WWOX: variants seen among roughly 807,000 people sequenced by gnomAD.
The protein encoded by WWOX is WW domain containing oxidoreductase.
A neutral mutation model predicts 46.2 loss-of-function variants in WWOX; 69 were observed. That is an observed-to-expected ratio of 1.49 (90% CI 1.23 to 1.82). The LOEUF is 1.82. Ranked by LOEUF, WWOX falls within the 40% of genes most tolerant of loss-of-function variation. WWOX has a pLI of 0.00. For missense variants in WWOX, 919 were observed against 542.6 expected, an observed-to-expected ratio of 1.69 and a Z score of -6.89; for synonymous variants, 359 against 202.6, an observed-to-expected ratio of 1.77 and a Z score of -6.56.
At chr16:78,907,649 C>G (rs552276381) in intron 8 of WWOX, among the ~76,000 whole-genome samples, 3 of 152,344 alleles carry the variant, frequency 2.0e-5, no homozygotes, top group East Asian at 1.9e-4. Context: ...AATTTTCTTA[C>G]TCTTACAATT....
intron 6 of WWOX, among the ~76,000 whole-genome samples, chr16:78,418,058 A>C (rs1056782191): frequency 1.3e-5 from 2 of 152,188 alleles, no homozygotes; most frequent in African/African-American, 4.8e-5. Flanking sequence ...CTTTCCAGCA[A>C]GCGCTTAAAG....
chr16:78,804,927 C>G (rs2050989925), intron 8 of WWOX, among the ~76,000 whole-genome samples: 1 of 152,216 alleles, frequency 6.6e-6, no homozygotes, highest in Admixed American at 6.5e-5. Flanking sequence ...CTAACAATTC[C>G]TGAAAGATTG....
chr16:79,027,805 T>C (rs910264043), intron 8 of WWOX, among the ~76,000 whole-genome samples: 2 of 151,862 alleles, frequency 1.3e-5, no homozygotes, highest in African/African-American at 4.9e-5. Context: ...TTTCTCGGGA[T>C]GGTTTTTGTG....
rs186751721 is a variant in WWOX at position 79,160,529 on chromosome 16, T to C, written c.1057-51079T>C. On this transcript the variant is annotated intron_variant, in intron 8 of 8. Coordinates refer to ENST00000566780, the MANE Select transcript of WWOX (RefSeq NM_016373.4). The stretch of plus-strand genomic sequence containing the variant: ...AAGGATTAAATACAATGATGTAACC[T>C]ACTTGAAAGTGTCATATAAATTCTG... 5.0e-4 allele frequency among the ~76,000 whole-genome samples: 76 copies of C among 152,338 alleles called. 1 individual carries two copies. Among genetic ancestry groups the C allele is most frequent in the African/African-American group, 1.8e-3 (75 of 41,584 alleles).
chr16:79,191,949 C>T (rs142836580), intron 8 of WWOX, among the ~76,000 whole-genome samples: 2 of 152,330 alleles, frequency 1.3e-5, no homozygotes, highest in African/African-American at 4.8e-5. Context: ...GCTCACCACA[C>T]ATCAGGTGAT....
chr16:78,732,129 G>T (rs2048984688), intron 8 of WWOX, among the ~76,000 whole-genome samples: 1 of 152,098 alleles, frequency 6.6e-6, no homozygotes, highest in African/African-American at 2.4e-5. Context: ...CTCCAAAAGT[G>T]CTGGGATTAC....
At chr16:78,348,322 T>C (rs2081127801) in intron 5 of WWOX, among the ~76,000 whole-genome samples, 1 of 121,390 alleles carries the variant, frequency 8.2e-6, no homozygotes, top group African/African-American at 2.8e-5. Context: ...TAATGTCACT[T>C]ATATCCAGGA....
intron 6 of WWOX, among the ~76,000 whole-genome samples, chr16:78,410,437 C>A (rs1031094087): frequency 1.3e-5 from 2 of 152,004 alleles, no homozygotes; most frequent in African/African-American, 2.4e-5. Context: ...TTCCCAGTTA[C>A]TATTTTTGTG....
intron 8 of WWOX, among the ~76,000 whole-genome samples, chr16:78,609,731 C>T (rs760421613): frequency 5.9e-5 from 9 of 152,050 alleles, no homozygotes; most frequent in African/African-American, 9.7e-5. Flanking sequence ...AATATAGTTT[C>T]GTTTGGAAAA....
chr16:79,166,291 G>T (rs570787533), intron 8 of WWOX, among the ~76,000 whole-genome samples: 1 of 152,160 alleles, frequency 6.6e-6, no homozygotes, highest in East Asian at 1.9e-4. Flanking sequence ...TTTCAGCCAG[G>T]GCTTTTCCAG....
chr16:78,744,769 A>G (rs1597534129), intron 8 of WWOX, among the ~76,000 whole-genome samples: 1 of 152,122 alleles, frequency 6.6e-6, no homozygotes, highest in Non-Finnish European at 1.5e-5. Context: ...ACCCGAAAAC[A>G]GTGTGGAAAA....
At chr16:78,140,403 A>G (rs2033945878) in intron 4 of WWOX, among the ~76,000 whole-genome samples, 2 of 152,194 alleles carry the variant, frequency 1.3e-5, no homozygotes, top group African/African-American at 4.8e-5. Context: ...GCAAAGTACC[A>G]TAAACTGGGT....
intron 5 of WWOX, among the ~76,000 whole-genome samples, chr16:78,205,916 C>G (rs897308077): frequency 2.0e-5 from 3 of 151,300 alleles, no homozygotes; most frequent in African/African-American, 7.3e-5. Flanking sequence ...GTCTTCCTTT[C>G]CTTTCCTTCC....
chr16:78,417,507 A>T (rs1304185818), intron 6 of WWOX, among the ~76,000 whole-genome samples: 1 of 152,176 alleles, frequency 6.6e-6, no homozygotes, highest in East Asian at 1.9e-4. Flanking sequence ...CATAGTTAGT[A>T]CTCAAAAAAG....
intron 8 of WWOX, among the ~76,000 whole-genome samples, chr16:78,796,735 C>T (rs1056071441): frequency 1.3e-5 from 2 of 152,098 alleles, no homozygotes; most frequent in Non-Finnish European, 2.9e-5. Context: ...CAGAAGCATT[C>T]TTCAGTTCCC....
chr16:78,734,353 C>A (rs1597512363), intron 8 of WWOX, among the ~76,000 whole-genome samples: 1 of 152,078 alleles, frequency 6.6e-6, no homozygotes, highest in South Asian at 2.1e-4. Flanking sequence ...AATTTATCAT[C>A]AATATTTATA....
At chr16:78,114,140 C>T (rs1236578581) in intron 3 of WWOX, among the ~76,000 whole-genome samples, 3 of 149,074 alleles carry the variant, frequency 2.0e-5, no homozygotes, top group African/African-American at 7.4e-5. Context: ...GTCTGTCACC[C>T]AGGCTAGAGT....
intron 8 of WWOX, among the ~76,000 whole-genome samples, chr16:78,950,129 T>C (rs999056644): frequency 6.6e-6 from 1 of 152,188 alleles, no homozygotes; most frequent in African/African-American, 2.4e-5. Flanking sequence ...GTTTTTGTAT[T>C]TTGGTTCAAA....
chr16:78,405,824 G>A (rs1291948500), intron 6 of WWOX, among the ~76,000 whole-genome samples: 1 of 152,140 alleles, frequency 6.6e-6, no homozygotes, highest in Non-Finnish European at 1.5e-5. Context: ...CTGTGGCTCA[G>A]AGGGGTTTAT....
Sources: allele counts gnomAD v4.1 joint callset (sites outside exome capture counted in the v4.1 genomes callset), GRCh38; gene constraint gnomAD v4.1.1; transcripts MANE v1.5; gene names NCBI Gene and HGNC (gene_info 2026-07-23, HGNC 2026-07-21).